The following ATP10D variants were observed in gnomAD, a reference collection of about 807,000 sequenced individuals.
The protein encoded by ATP10D is ATPase phospholipid transporting 10D (putative), also known as phospholipid-transporting ATPase VD.
Under a neutral mutation model 144.8 loss-of-function variants are expected in ATP10D, and 89 were observed. The observed-to-expected ratio is 0.61, with a 90% CI of 0.52 to 0.73. The LOEUF is 0.73. Ranked by LOEUF, ATP10D falls within the 30% of genes least tolerant of loss-of-function variation. ATP10D has a pLI of 0.00. For synonymous variants in ATP10D, 571 were observed against 615.1 expected (o/e 0.93, Z 1.06); for missense variants, 1,603 against 1,714.8 (o/e 0.93, Z 1.15).
chr4:47,549,552 A>C (rs141832142), intron 10 of ATP10D, among the ~76,000 whole-genome samples: 5 of 152,376 alleles, frequency 3.3e-5, no homozygotes, highest in Admixed American at 3.3e-4. Context: ...AATTAATGGA[A>C]GGCATGGCAC....
At chr4:47,582,728 G>A (rs1171439802) in intron 21 of ATP10D, 1 of 152,146 alleles carries the variant, frequency 6.6e-6, no homozygotes, top group East Asian at 1.9e-4. Context: ...CAGCGCAAAT[G>A]TTATTTTAAA....
Position 47,576,976 on chromosome 4 carries a change from A to C in ATP10D, c.3567+3A>C, listed in dbSNP as rs1390672902. On this transcript the variant is annotated splice_donor_region_variant and intron_variant, in intron 19 of 22. Coordinates refer to ENST00000273859, the MANE Select transcript of ATP10D (RefSeq NM_020453.4). ...ACAGAAGTGGTCAGAAATCAGAGGT[A>C]GGTGTTAAAGCAAGAGTGCTTGGAT... 6.2e-7 allele frequency: 1 copy of C among 1,613,934 alleles called. No homozygotes were observed. Among genetic ancestry groups the C allele is most frequent in the Non-Finnish European group, 8.5e-7 (1 of 1,179,804 alleles).
In ATP10D at chr4:47,546,795, C is replaced by A. The variant is rs1281995538; in HGVS notation, c.1568C>A (p.Thr523Asn). The change falls in exon 10 of 23, where the codon ACT becomes AAT. Residue 523 changes from threonine to asparagine, a missense_variant. Transcript: ENST00000273859. ...AATCATCTTGCTGGGAGCTCTTTTA[C>A]TCTAGGAAGTGGAGAAGGAGCCAGT... ...PSNHLAGSSF[T>N]LGSGEGASEV... The A allele has an allele frequency of 5.0e-6, 8 of 1,613,704 alleles. No homozygotes were observed. Among genetic ancestry groups the A allele is most frequent in the Non-Finnish European group, 5.1e-6 (6 of 1,179,974 alleles).
intron 11 of ATP10D, among the ~76,000 whole-genome samples, chr4:47,557,278 C>G (rs1216711551): frequency 1.3e-5 from 2 of 151,810 alleles, no homozygotes; most frequent in Non-Finnish European, 2.9e-5. Flanking sequence ...TCCTGTATTT[C>G]AAGTTATTTC....
chr4:47,524,645 T>A (rs991898497), intron 4 of ATP10D, among the ~76,000 whole-genome samples: 1 of 152,240 alleles, frequency 6.6e-6, no homozygotes, highest in South Asian at 2.1e-4. Context: ...AATCCTGCTC[T>A]AAACACTTTC....
intron 1 of ATP10D, among the ~76,000 whole-genome samples, chr4:47,501,159 GAAGT>G (rs1715662423): frequency 6.6e-6 from 1 of 152,170 alleles, no homozygotes; most frequent in Admixed American, 6.5e-5. Flanking sequence ...CATAAAATTT[GAAGT>G]AAGTAAGGAA....
chr4:47,491,662 C>A (rs1343544519), intron 1 of ATP10D, among the ~76,000 whole-genome samples: 2 of 152,174 alleles, frequency 1.3e-5, no homozygotes, highest in African/African-American at 2.4e-5. Flanking sequence ...GTACTTGAAA[C>A]TGCTGCCATA....
At chr4:47,577,545 A>G (rs562521870) in intron 19 of ATP10D, among the ~76,000 whole-genome samples, 1 of 152,164 alleles carries the variant, frequency 6.6e-6, no homozygotes, top group South Asian at 2.1e-4. Context: ...ATAATACGGT[A>G]CAACTTCCAG....
At chr4:47,533,509 T>C (rs1717676058) in intron 5 of ATP10D, among the ~76,000 whole-genome samples, 1 of 152,198 alleles carries the variant, frequency 6.6e-6, no homozygotes, top group Non-Finnish European at 1.5e-5. Context: ...TTAATTGTAA[T>C]TTCATATAGC....
intron 11 of ATP10D, 37 bp downstream of exon 11, chr4:47,554,951 C>G: frequency 6.4e-7 from 1 of 1,574,622 alleles, no homozygotes; most frequent in Non-Finnish European, 8.7e-7. Flanking sequence ...GGGTCACTTT[C>G]CAGAAGAGAA....
Position 47,536,791 on chromosome 4 carries a change from A to C in ATP10D, c.1249A>C (p.Ile417Leu). 1 of 1,613,218 alleles carries C rather than the reference A, an allele frequency of 6.2e-7. No individual in the cohort carries two copies. Among genetic ancestry groups the C allele is most frequent in the Non-Finnish European group, 8.5e-7 (1 of 1,179,584 alleles). ...TTTCTACAATGAAAAAATGGATTCT[A>C]TTGTTCAGTGCCGAGCCCTGAACAT... The part of the protein sequence containing the change: ...VDFYNEKMDS[I>L]VQCRALNIAE... Residue 417 changes from isoleucine (I) to leucine (L), a missense_variant, in exon 9 of 23, where the codon ATT becomes CTT. Coordinates refer to ENST00000273859, the MANE Select transcript of ATP10D (RefSeq NM_020453.4).
At chr4:47,511,292 T>C (rs1247189281) in intron 1 of ATP10D, among the ~76,000 whole-genome samples, 1 of 152,224 alleles carries the variant, frequency 6.6e-6, no homozygotes, top group Non-Finnish European at 1.5e-5. Flanking sequence ...ACTGTTTTTT[T>C]TTCTTGTTCC....
chr4:47,490,881 CT>C (rs2109379237), intron 1 of ATP10D: 1 of 384,512 alleles, frequency 2.6e-6, no homozygotes, highest in South Asian at 2.6e-5. Context: ...ATGAGTCGTC[CT>C]TCCTTTTCTC....
At chr4:47,563,500 A>G in intron 14 of ATP10D, 81 bp from the exon 15 acceptor site, 1 of 1,287,386 alleles carries the variant, frequency 7.8e-7, no homozygotes, top group Non-Finnish European at 1.1e-6. Flanking sequence ...TGGCTAACAG[A>G]TATGATTCAA....
chr4:47,525,752 G>GTC, intron 5 of ATP10D, 110 bp downstream of exon 5: 1 of 907,842 alleles, frequency 1.1e-6, no homozygotes, highest in Admixed American at 2.6e-5. Flanking sequence ...ATCACTAAAG[G>GTC]TCGTAACTTT....
chr4:47,581,263 T>A (rs1720501113), intron 20 of ATP10D, among the ~76,000 whole-genome samples: 1 of 152,198 alleles, frequency 6.6e-6, no homozygotes, highest in Non-Finnish European at 1.5e-5. Context: ...TTAGAAAATT[T>A]AGGCTAACAC....
At chr4:47,562,550 G>A (rs1484904305) in intron 14 of ATP10D, among the ~76,000 whole-genome samples, 3 of 152,132 alleles carry the variant, frequency 2.0e-5, no homozygotes, top group African/African-American at 7.2e-5. Context: ...AACAGATGTT[G>A]GCAAGGATGC....
chr4:47,532,067 CT>C (rs1156267055), intron 5 of ATP10D, among the ~76,000 whole-genome samples: 6 of 152,206 alleles, frequency 3.9e-5, no homozygotes, highest in African/African-American at 1.4e-4. Context: ...GTGTCTGAGA[CT>C]CCGGCTCTTG....
intron 20 of ATP10D, among the ~76,000 whole-genome samples, chr4:47,581,016 T>C (rs1720488770): frequency 6.6e-6 from 1 of 152,104 alleles, no homozygotes; most frequent in Non-Finnish European, 1.5e-5. Context: ...TGAACTGTGA[T>C]TGCACCACTG....
Sources: gnomAD v4.1 joint callset for allele counts (sites outside exome capture counted in the v4.1 genomes callset) on GRCh38, gnomAD v4.1.1 for gene constraint, MANE v1.5 for transcripts, NCBI Gene and HGNC (gene_info 2026-07-23, HGNC 2026-07-21) for gene names.